The following GRID2 variants were observed in gnomAD, a reference collection of about 807,000 sequenced individuals.
GRID2 encodes glutamate receptor ionotropic, delta-2.
Under a neutral mutation model 114.8 loss-of-function variants are expected in GRID2, and 33 were observed. The ratio of observed to expected loss-of-function variants is 0.29; its 90% CI spans 0.22 to 0.38. The LOEUF (loss-of-function observed/expected upper bound fraction) is 0.38. Ranked by LOEUF, GRID2 falls within the 10% of genes least tolerant of loss-of-function variation. GRID2 has a pLI of 1.00. For synonymous variants in GRID2, 505 were observed against 449.9 expected (o/e 1.12, Z -1.55); for missense variants, 1,184 against 1,257.7 (o/e 0.94, Z 0.89).
chr4:93,373,979 A>C (rs1579864398), intron 8 of GRID2, among the ~76,000 whole-genome samples: 1 of 152,190 alleles, frequency 6.6e-6, no homozygotes, highest in African/African-American at 2.4e-5. Context: ...TATTGATACT[A>C]GTATGTGTTG....
chr4:92,525,305 C>T (rs1054334283), intron 1 of GRID2, among the ~76,000 whole-genome samples: 2 of 151,708 alleles, frequency 1.3e-5, no homozygotes, highest in African/African-American at 4.8e-5. Context: ...AGGACATAAG[C>T]GTTAGAATAA....
chr4:92,653,375 G>A (rs1276987422), intron 2 of GRID2, among the ~76,000 whole-genome samples: 2 of 151,058 alleles, frequency 1.3e-5, no homozygotes, highest in African/African-American at 4.9e-5. Context: ...GTTTTCAGGA[G>A]CTAGAGAAAT....
chr4:93,515,254 A>C lies in GRID2; in HGVS notation c.2036A>C (p.Tyr679Ser). ...CTTTCCAAGCAAACAGAAATCCCTT[A>C]TGGCACAGTCCTAGACTCTGCGGTA... ...QDLSKQTEIP[Y>S]GTVLDSAVYE... is the part of the protein sequence containing the mutation. Residue 679 changes from tyrosine (Y) to serine (S), a missense_variant, in exon 13 of 16, where the codon TAT (tyrosine) becomes TCT (serine). Tyr to Ser is a moderately radical substitution (Grantham distance 144). Around this residue, in one of 3 missense-constraint regions of GRID2, gnomAD observed 717 missense variants for 796.9 expected, o/e 0.90. Coordinates refer to ENST00000282020, the MANE Select transcript of GRID2 (RefSeq NM_001510.4). 1 of 1,607,122 alleles carries C rather than the reference A, an allele frequency of 6.2e-7. No individual in the cohort carries two copies. The highest frequency in any genetic ancestry group is 8.5e-7 in the Non-Finnish European group (1 of 1,175,798).
intron 13 of GRID2, among the ~76,000 whole-genome samples, chr4:93,526,539 G>A (rs997210969): frequency 6.6e-6 from 1 of 152,228 alleles, no homozygotes; most frequent in African/African-American, 2.4e-5. Context: ...GCCGGGCGCT[G>A]TGGCTCACGC....
At chr4:93,112,436 G>T (rs1732858432) in intron 4 of GRID2, among the ~76,000 whole-genome samples, 1 of 152,028 alleles carries the variant, frequency 6.6e-6, no homozygotes, top group Admixed American at 6.6e-5. Context: ...GATAGTGAGG[G>T]AGTTCTCATG....
intron 2 of GRID2, among the ~76,000 whole-genome samples, chr4:92,769,580 G>C (rs762680558): frequency 3.9e-5 from 6 of 152,150 alleles, no homozygotes; most frequent in Non-Finnish European, 8.8e-5. Context: ...CTTTTGCCTG[G>C]ACATCCAGGC....
At chr4:93,418,500 A>G (rs1335031006) in intron 9 of GRID2, among the ~76,000 whole-genome samples, 1 of 152,008 alleles carries the variant, frequency 6.6e-6, no homozygotes, top group Non-Finnish European at 1.5e-5. Flanking sequence ...ATTGCCCTTC[A>G]TTTCTTCAAA....
At chr4:92,451,172 G>A (rs1216667938) in intron 1 of GRID2, among the ~76,000 whole-genome samples, 2 of 152,042 alleles carry the variant, frequency 1.3e-5, no homozygotes, top group Non-Finnish European at 2.9e-5. Flanking sequence ...TAGCCTGACC[G>A]TGGAGCTGAC....
Position 93,773,557 on chromosome 4 carries a change from T to G in GRID2, c.*1059T>G, listed in dbSNP as rs1018235964. The stretch of plus-strand genomic sequence containing the variant: ...CCTTGATAATTTTACTTTTAATTAA[T>G]TATCTAAATGAAAAATGCTATTAGC... On this transcript the variant is annotated 3_prime_UTR_variant, in exon 16 of 16. Transcript: ENST00000282020. The G allele has an allele frequency of 2.0e-5, 3 of 152,140 alleles. 1 individual carries two copies. The East Asian group carries it at 5.8e-4, about 29-fold the overall frequency. The allele number at this position is 152,140 out of a possible 1,614,324, so 9.4% of individuals were successfully genotyped here. A position where few individuals can be genotyped will look rare whatever the true frequency, so the allele number is the denominator to read the frequency against.
Position 93,366,169 on chromosome 4 carries a change from T to C in GRID2, c.1246-29438T>C, listed in dbSNP as rs186303751. ...GCAATTGTTCAGGGAATAAGAGAGA[T>C]AACCTTAAACTCTGACTGCCTGTGA... On this transcript the variant is annotated intron_variant, in intron 8 of 15. Transcript: ENST00000282020. 2.6e-3 allele frequency among the ~76,000 whole-genome samples: 390 copies of C among 152,302 alleles called. 2 individuals carry two copies. The highest frequency in any genetic ancestry group is 8.6e-3 in the African/African-American group (356 of 41,578).
intron 14 of GRID2, among the ~76,000 whole-genome samples, chr4:93,709,860 C>T (rs1047205054): frequency 2.0e-5 from 3 of 152,112 alleles, no homozygotes; most frequent in Non-Finnish European, 2.9e-5. Context: ...TGTTAAGAGA[C>T]TGATGTGTGT....
At chr4:92,762,028 A>C (rs1738035485) in intron 2 of GRID2, among the ~76,000 whole-genome samples, 1 of 152,074 alleles carries the variant, frequency 6.6e-6, no homozygotes, top group Admixed American at 6.6e-5. Flanking sequence ...TCCCTGATTC[A>C]AGTGATTCTC....
chr4:92,535,973 C>T (rs1324628362), intron 1 of GRID2, among the ~76,000 whole-genome samples: 5 of 152,094 alleles, frequency 3.3e-5, no homozygotes, highest in Non-Finnish European at 7.4e-5. Flanking sequence ...TGGTGCAGAC[C>T]TTCGTGGTGA....
At chr4:93,582,185 C>G (rs938181729) in intron 13 of GRID2, among the ~76,000 whole-genome samples, 5 of 152,074 alleles carry the variant, frequency 3.3e-5, no homozygotes, top group Non-Finnish European at 2.9e-5. Context: ...ATTCCCTTGT[C>G]TTTTTCAGCT....
intron 4 of GRID2, among the ~76,000 whole-genome samples, chr4:93,140,291 T>G (rs1471869332): frequency 1.3e-5 from 2 of 151,750 alleles, no homozygotes; most frequent in East Asian, 3.9e-4. Context: ...CCTGAGTAGC[T>G]GGGACTACAG....
At chr4:92,810,308 A>C in intron 2 of GRID2, among the ~76,000 whole-genome samples, 1 of 151,508 alleles carries the variant, frequency 6.6e-6, no homozygotes, top group East Asian at 1.9e-4. Flanking sequence ...AAATTTTTTT[A>C]ACCACAGTTA....
chr4:93,541,806 G>T (rs17334984), intron 13 of GRID2, among the ~76,000 whole-genome samples: 2 of 151,926 alleles, frequency 1.3e-5, no homozygotes, highest in Admixed American at 6.6e-5. Flanking sequence ...TGCGTTTCAT[G>T]ATATCACTAA....
intron 4 of GRID2, among the ~76,000 whole-genome samples, chr4:93,194,417 G>C (rs1418598186): frequency 6.6e-6 from 1 of 152,008 alleles, no homozygotes; most frequent in East Asian, 1.9e-4. Flanking sequence ...CTTTACAATA[G>C]GCTTGAAAAT....
chr4:92,752,273 T>C (rs1429828685), intron 2 of GRID2, among the ~76,000 whole-genome samples: 2 of 152,204 alleles, frequency 1.3e-5, no homozygotes, highest in African/African-American at 4.8e-5. Context: ...CTTTCACTTT[T>C]CCATAGTATT....
Sources: allele counts gnomAD v4.1 joint callset (sites outside exome capture counted in the v4.1 genomes callset), GRCh38; gene constraint gnomAD v4.1.1; regional missense constraint gnomAD v4.1.1; transcripts MANE v1.5; gene names NCBI Gene and HGNC (gene_info 2026-07-23, HGNC 2026-07-21).